Variants in RNF152 observed in about 807,000 individuals in gnomAD.
RNF152 encodes the protein E3 ubiquitin-protein ligase RNF152.
RNF152 carries 11 observed loss-of-function variants against 12.7 expected under a neutral mutation model. That is an observed-to-expected ratio of 0.86 (90% CI 0.54 to 1.43). RNF152 has a LOEUF of 1.43. Ranked by LOEUF, RNF152 falls within the 40% of genes most tolerant of loss-of-function variation. The pLI is 0.00. For missense variants in RNF152, 255 were observed against 274.8 expected (o/e 0.93, Z 0.51); for synonymous variants, 113 against 120.3 (o/e 0.94, Z 0.40).
intron 1 of RNF152, among the ~76,000 whole-genome samples, chr18:61,825,371 A>G (rs1909610488): frequency 6.6e-6 from 1 of 152,218 alleles, no homozygotes; most frequent in African/African-American, 2.4e-5. Context: ...AAACAGAACT[A>G]TCATTGCCTG....
rs1913031082 is a variant in RNF152 at position 61,892,972 on chromosome 18, C to G, written c.-313G>C. ...GATACGCGCCGCGGAGAAGGAAATCCAAGCGCCCTCCTGGGCAGACGGGGC... is the reference window on the plus strand; with the variant it reads ...GATACGCGCCGCGGAGAAGGAAATCGAAGCGCCCTCCTGGGCAGACGGGGC... On this transcript the variant is annotated 5_prime_UTR_variant, in exon 1 of 2. Transcript: ENST00000312828. The G allele has an allele frequency of 6.6e-6, 1 of 152,364 alleles. No homozygotes were observed. 9.4% of individuals were successfully genotyped at this position (152,364 alleles called of 1,614,324 possible). A position where few individuals can be genotyped will look rare whatever the true frequency, so the allele number is the denominator to read the frequency against.
At chr18:61,871,602 C>T (rs769728971) in intron 1 of RNF152, among the ~76,000 whole-genome samples, 3 of 152,142 alleles carry the variant, frequency 2.0e-5, no homozygotes, top group Non-Finnish European at 2.9e-5. Context: ...TAAGAAATGA[C>T]TCTCTAATGG....
intron 1 of RNF152, among the ~76,000 whole-genome samples, chr18:61,843,966 G>A (rs1910570221): frequency 6.6e-6 from 1 of 150,930 alleles, no homozygotes; most frequent in South Asian, 2.1e-4. Context: ...TATGTTATGT[G>A]TATTTTACCA....
chr18:61,863,849 C>T (rs1266771962), intron 1 of RNF152, among the ~76,000 whole-genome samples: 2 of 152,152 alleles, frequency 1.3e-5, no homozygotes, highest in Non-Finnish European at 2.9e-5. Context: ...TGGCAGGTGT[C>T]CAAGGTAAGG....
At chr18:61,850,191 C>T (rs1200269288) in intron 1 of RNF152, among the ~76,000 whole-genome samples, 1 of 152,242 alleles carries the variant, frequency 6.6e-6, no homozygotes, top group Non-Finnish European at 1.5e-5. Flanking sequence ...GGCAAGTTAT[C>T]TAACCTTGTT....
chr18:61,866,996 A>C (rs1284148460), intron 1 of RNF152, among the ~76,000 whole-genome samples: 1 of 152,240 alleles, frequency 6.6e-6, no homozygotes, highest in East Asian at 1.9e-4. Context: ...TGGGCTTATT[A>C]AACACTGCAC....
intron 1 of RNF152, among the ~76,000 whole-genome samples, chr18:61,849,240 T>C (rs981966501): frequency 1.3e-5 from 2 of 152,170 alleles, no homozygotes; most frequent in Non-Finnish European, 2.9e-5. Context: ...TGGTCTCCAG[T>C]ACATAACACA....
At chr18:61,854,665 T>C (rs1410719395) in intron 1 of RNF152, among the ~76,000 whole-genome samples, 1 of 152,212 alleles carries the variant, frequency 6.6e-6, no homozygotes, top group Non-Finnish European at 1.5e-5. Flanking sequence ...TTCAGTTTTC[T>C]ACTATGATGG....
At chr18:61,879,432 A>G (rs1044804826) in intron 1 of RNF152, among the ~76,000 whole-genome samples, 1 of 152,140 alleles carries the variant, frequency 6.6e-6, no homozygotes, top group African/African-American at 2.4e-5. Flanking sequence ...TTGGTTTCTA[A>G]GGGGGTTCCT....
At chr18:61,836,433 G>A (rs1217197562) in intron 1 of RNF152, among the ~76,000 whole-genome samples, 1 of 152,172 alleles carries the variant, frequency 6.6e-6, no homozygotes, top group Non-Finnish European at 1.5e-5. Context: ...AGGTTTAGAT[G>A]AGGTCATGAG....
chr18:61,873,523 T>C (rs925175999), intron 1 of RNF152, among the ~76,000 whole-genome samples: 7 of 152,042 alleles, frequency 4.6e-5, no homozygotes, highest in East Asian at 1.9e-4. Context: ...CTAGTAGAGA[T>C]AGGGTTTCAC....
intron 1 of RNF152, among the ~76,000 whole-genome samples, chr18:61,841,020 C>T (rs1910430960): frequency 6.6e-6 from 1 of 152,194 alleles, no homozygotes; most frequent in South Asian, 2.1e-4. Context: ...TGGTTCCTAC[C>T]ACCTACTGCA....
intron 1 of RNF152, among the ~76,000 whole-genome samples, chr18:61,849,570 CAG>C (rs2144690935): frequency 6.6e-6 from 1 of 152,300 alleles, no homozygotes. Flanking sequence ...CCAAAATATG[CAG>C]AAAGAAATTT....
chr18:61,855,816 C>A (rs531174412), intron 1 of RNF152, among the ~76,000 whole-genome samples: 58 of 152,214 alleles, frequency 3.8e-4, no homozygotes, highest in Non-Finnish European at 6.3e-4. Context: ...ACGAGCAATA[C>A]CCAGGCAGAA....
chr18:61,886,789 G>A (rs36037117), intron 1 of RNF152, among the ~76,000 whole-genome samples: 17,485 of 152,292 alleles, frequency 0.11, 1,315 homozygotes, highest in East Asian at 0.41. Context: ...GAAAGAAAAA[G>A]ACACTTCAAT....
At chr18:61,886,332 C>T (rs1912696503) in intron 1 of RNF152, among the ~76,000 whole-genome samples, 3 of 152,180 alleles carry the variant, frequency 2.0e-5, no homozygotes. Flanking sequence ...TTGAGCCCTT[C>T]CTGTGTACAA....
chr18:61,834,907 T>G (rs1910112360), intron 1 of RNF152, among the ~76,000 whole-genome samples: 2 of 152,210 alleles, frequency 1.3e-5, no homozygotes, highest in African/African-American at 4.8e-5. Context: ...ACTGAAAACC[T>G]GATAAATCAG....
rs571857382 is a variant in RNF152, at chr18:61,839,757, T to C, written c.-135-23159A>G. The stretch of plus-strand genomic sequence containing the variant: ...AAAAATACAAAAAAATTGCTGGGCG[T>C]GGTGGTGGGTGCCTGTAGTCCCAGC... On this transcript the variant is annotated intron_variant, in intron 1 of 1. Coordinates refer to ENST00000312828, the MANE Select transcript of RNF152 (RefSeq NM_173557.3). 3.4e-3 allele frequency among the ~76,000 whole-genome samples: 515 copies of C among 151,994 alleles called. 3 individuals carry two copies. Among genetic ancestry groups the C allele is most frequent in the African/African-American group, 0.012 (492 of 41,448 alleles).
chr18:61,829,654 C>T (rs367545843), intron 1 of RNF152, among the ~76,000 whole-genome samples: 24 of 149,770 alleles, frequency 1.6e-4, no homozygotes, highest in Non-Finnish European at 2.2e-4. Context: ...GAGGGGAGGA[C>T]CAGGAGGTGA....
Sources: allele counts gnomAD v4.1 joint callset (sites outside exome capture counted in the v4.1 genomes callset), GRCh38; gene constraint gnomAD v4.1.1; transcripts MANE v1.5; gene names NCBI Gene and HGNC (gene_info 2026-07-23, HGNC 2026-07-21).